The following TOP6BL variants were observed in gnomAD, a reference collection of about 807,000 sequenced individuals.
TOP6BL encodes the protein TOP6B like initiator of meiotic double strand breaks, also known as type 2 DNA topoisomerase 6 subunit B-like.
the TOP6BL span, chr11:66,814,041 G>A: frequency 1.3e-6 from 2 of 1,588,468 alleles, no homozygotes; most frequent in South Asian, 2.2e-5. Context: ...TTCTGCACAG[G>A]AATTAAGACA....
At chr11:66,780,252 C>G in the TOP6BL span, among the ~76,000 whole-genome samples, 1 of 151,942 alleles carries the variant, frequency 6.6e-6, no homozygotes, top group African/African-American at 2.4e-5. Context: ...TTATAATTCC[C>G]TGCCTTATGA....
the TOP6BL span, among the ~76,000 whole-genome samples, chr11:66,754,936 C>T: frequency 6.6e-6 from 1 of 152,170 alleles, no homozygotes; most frequent in African/African-American, 2.4e-5. Flanking sequence ...TTTCAACAGA[C>T]TCTCCTTAAT....
At chr11:66,760,726 C>G in the TOP6BL span, among the ~76,000 whole-genome samples, 1 of 149,472 alleles carries the variant, frequency 6.7e-6, no homozygotes, top group African/African-American at 2.5e-5. Flanking sequence ...ATTGCTTGAG[C>G]CTGGGAGGTA....
At chr11:66,804,073 C>G in the TOP6BL span, 1 of 1,613,938 alleles carries the variant, frequency 6.2e-7, no homozygotes, top group South Asian at 1.1e-5. Context: ...TGCTTTTCAT[C>G]CCTGAAGACG....
At chr11:66,802,612 A>G in the TOP6BL span, among the ~76,000 whole-genome samples, 1 of 152,128 alleles carries the variant, frequency 6.6e-6, no homozygotes, top group African/African-American at 2.4e-5. Flanking sequence ...TTTAGTCTTT[A>G]TTCATTAGTT....
the TOP6BL span, among the ~76,000 whole-genome samples, chr11:66,808,377 G>A: frequency 6.6e-6 from 1 of 152,066 alleles, no homozygotes; most frequent in Non-Finnish European, 1.5e-5. Context: ...CTCTATACAA[G>A]TTACCTGTGC....
chr11:66,821,286 ATTTTT>A, the TOP6BL span, among the ~76,000 whole-genome samples: 2 of 106,330 alleles, frequency 1.9e-5, no homozygotes, highest in Admixed American at 9.7e-5. Flanking sequence ...ACATCTGGTA[ATTTTT>A]TTTTTTTTTT....
chr11:66,791,323 C>G, the TOP6BL span, among the ~76,000 whole-genome samples: 1 of 152,186 alleles, frequency 6.6e-6, no homozygotes, highest in Non-Finnish European at 1.5e-5. Flanking sequence ...GGTAACATGT[C>G]CCTTCAAAAG....
At chr11:66,842,910 GCGAGCTCTGCGCTCTGCCAGGGCCC>G in the TOP6BL span, 17 of 1,568,086 alleles carry the variant, frequency 1.1e-5, no homozygotes, top group African/African-American at 1.5e-4. Context: ...TAGAGGAGAT[GCGAGCTCTGCGCTCTGCCAGGGCCC>G]CGAGCCCGTC....
At chr11:66,806,895 G>A in the TOP6BL span, among the ~76,000 whole-genome samples, 2 of 152,104 alleles carry the variant, frequency 1.3e-5, no homozygotes, top group Admixed American at 1.3e-4. Flanking sequence ...GACTATGCTT[G>A]GACATTTTCT....
chr11:66,764,496 CA>C, the TOP6BL span, among the ~76,000 whole-genome samples: 2,060 of 58,666 alleles, frequency 0.035, 23 homozygotes, highest in African/African-American at 0.065. Context: ...ACTAAAAATA[CA>C]AAAAAAAAAA....
At chr11:66,757,211 C>T in the TOP6BL span, among the ~76,000 whole-genome samples, 4 of 151,888 alleles carry the variant, frequency 2.6e-5, no homozygotes, top group Non-Finnish European at 4.4e-5. Context: ...GGCGCGGTGG[C>T]GTATGTCTAT....
At chr11:66,788,200 T>G in the TOP6BL span, 5 of 1,613,950 alleles carry the variant, frequency 3.1e-6, no homozygotes, top group South Asian at 5.5e-5. Context: ...CAAAGCTGAC[T>G]TGGACTTCAG....
the TOP6BL span, among the ~76,000 whole-genome samples, chr11:66,768,715 G>C: frequency 5.5e-5 from 5 of 91,492 alleles, no homozygotes; most frequent in African/African-American, 2.2e-4. Context: ...TCTTTTCCTT[G>C]TTACATTTAT....
At chr11:66,755,397 A>G in the TOP6BL span, among the ~76,000 whole-genome samples, 1 of 152,218 alleles carries the variant, frequency 6.6e-6, no homozygotes, top group Non-Finnish European at 1.5e-5. Flanking sequence ...CTGGGATTAC[A>G]GGCATGAGCC....
chr11:66,795,238 T>G, the TOP6BL span, among the ~76,000 whole-genome samples: 1 of 151,988 alleles, frequency 6.6e-6, no homozygotes, highest in Admixed American at 6.6e-5. Context: ...ACTTGTCACA[T>G]AGTAGGTATT....
At chr11:66,797,420 C>T in the TOP6BL span, among the ~76,000 whole-genome samples, 1 of 152,084 alleles carries the variant, frequency 6.6e-6, no homozygotes, top group African/African-American at 2.4e-5. Context: ...TACCTCTTCC[C>T]TCCTCTGTGC....
chr11:66,831,940 C>T, the TOP6BL span, among the ~76,000 whole-genome samples: 15 of 127,568 alleles, frequency 1.2e-4, no homozygotes, highest in South Asian at 2.6e-4. Context: ...GAAGTTGCAG[C>T]GAGCTGAGAT....
At chr11:66,819,610 A>G in the TOP6BL span, among the ~76,000 whole-genome samples, 1 of 152,048 alleles carries the variant, frequency 6.6e-6, no homozygotes, top group African/African-American at 2.4e-5. Flanking sequence ...GTCTCTACAT[A>G]TACAAATTTG....
Sources: allele counts gnomAD v4.1 joint callset (sites outside exome capture counted in the v4.1 genomes callset), GRCh38; gene constraint gnomAD v4.1.1; transcripts MANE v1.5; gene names NCBI Gene and HGNC (gene_info 2026-07-23, HGNC 2026-07-21).